Variants in FEZ1 observed in about 807,000 individuals in gnomAD.
The protein encoded by FEZ1 is fasciculation and elongation protein zeta 1.
FEZ1 carries 20 observed loss-of-function variants against 49.3 expected under a neutral mutation model. The observed-to-expected ratio is 0.41, with a 90% CI of 0.29 to 0.59. FEZ1 has a LOEUF of 0.59. Ranked by LOEUF, FEZ1 falls within the 20% of genes least tolerant of loss-of-function variation. The pLI, the probability that FEZ1 is intolerant of heterozygous loss-of-function variation, is 0.36. For missense variants in FEZ1, 413 were observed against 476.0 expected (o/e 0.87, Z 1.23); for synonymous variants, 170 against 180.9 (o/e 0.94, Z 0.48).
chr11:125,485,130 T>C (rs139511249), intron 2 of FEZ1, among the ~76,000 whole-genome samples: 3 of 152,338 alleles, frequency 2.0e-5, no homozygotes, highest in Admixed American at 2.0e-4. Flanking sequence ...ATCAGAGAAC[T>C]AAGATTAAAC....
chr11:125,477,855 G>GAAAAAAAAAAAAA (rs1277854420), intron 3 of FEZ1, among the ~76,000 whole-genome samples: 1 of 87,836 alleles, frequency 1.1e-5, no homozygotes, highest in African/African-American at 4.1e-5. Flanking sequence ...GGAGCTTTAT[G>GAAAAAAAAAAAAA]CAAAAAAAAA....
intron 3 of FEZ1, among the ~76,000 whole-genome samples, chr11:125,475,460 G>A (rs34912904): frequency 0.34 from 51,776 of 151,942 alleles, 9,106 homozygotes; most frequent in South Asian, 0.48. Flanking sequence ...GTGAGAATAT[G>A]GGACAATTAC....
At chr11:125,459,679 A>G (rs1209882681) in intron 5 of FEZ1, among the ~76,000 whole-genome samples, 4 of 152,218 alleles carry the variant, frequency 2.6e-5, no homozygotes, top group Admixed American at 6.5e-5. Flanking sequence ...ACAGGAAGGA[A>G]ATCTCATTTC....
At chr11:125,448,788 G>A (rs912802834) in intron 8 of FEZ1, among the ~76,000 whole-genome samples, 1 of 152,092 alleles carries the variant, frequency 6.6e-6, no homozygotes, top group Admixed American at 6.5e-5. Flanking sequence ...CTACCTGGGT[G>A]ACAGGTTTAG....
intron 3 of FEZ1, among the ~76,000 whole-genome samples, chr11:125,464,552 T>C: frequency 6.6e-6 from 1 of 152,170 alleles, no homozygotes; most frequent in Non-Finnish European, 1.5e-5. Context: ...GGGGCTTGTA[T>C]TCTGCCTTTT....
In FEZ1 at chr11:125,457,452, GTATATATACACATATATA is replaced by G. The variant is rs1565533533; in HGVS notation, c.668-1364_668-1347del. Among the ~76,000 whole-genome samples the G allele has an allele frequency of 2.2e-3, 104 of 47,472 alleles. 3 individuals are homozygous for G. Among genetic ancestry groups the G allele is most frequent in the East Asian group, 0.017 (34 of 1,998 alleles). The allele number at this position is 47,472 out of a possible 152,430, so 31.1% of individuals were successfully genotyped here. ...AAAATATATATATATATATATATAT[GTATATATACACATATATA>G]TGTATATATACACATATATGTGTAT... On this transcript the variant is annotated intron_variant, in intron 5 of 9. Transcript: ENST00000278919.
In FEZ1 at chr11:125,444,540, G is replaced by A. The variant is rs541053796; in HGVS notation, c.*1555C>T. ...GCGGAGTTTGCGGCGAGCTGAGATA[G>A]CGCCATTGTACTCCAGCCTGAGCAA... is the stretch of plus-strand genomic sequence containing the variant. On this transcript the variant is annotated 3_prime_UTR_variant, in exon 10 of 10. Coordinates refer to ENST00000278919, the MANE Select transcript of FEZ1 (RefSeq NM_005103.5). Among the ~76,000 whole-genome samples, 4 of 152,096 alleles carry A rather than the reference G, an allele frequency of 2.6e-5. No individual in the cohort carries two copies. Among genetic ancestry groups the A allele is most frequent in the Admixed American group, 2.6e-4 (4 of 15,276 alleles).
chr11:125,475,816 T>G (rs1957226370), intron 3 of FEZ1, among the ~76,000 whole-genome samples: 1 of 151,534 alleles, frequency 6.6e-6, no homozygotes, highest in African/African-American at 2.4e-5. Flanking sequence ...CTAAGAGAAA[T>G]GGAAGCATAT....
At chr11:125,488,859 T>G in intron 2 of FEZ1, 2 of 985,340 alleles carry the variant, frequency 2.0e-6, no homozygotes, top group Non-Finnish European at 2.4e-6. Flanking sequence ...TGACTACTAT[T>G]AAGACCCTAG....
chr11:125,475,313 T>C (rs541093647), intron 3 of FEZ1, among the ~76,000 whole-genome samples: 18 of 121,506 alleles, frequency 1.5e-4, no homozygotes, highest in African/African-American at 2.4e-4. Context: ...CACACACACA[T>C]TGTAAATAAT....
chr11:125,475,246 G>A (rs959412683), intron 3 of FEZ1, among the ~76,000 whole-genome samples: 3 of 146,254 alleles, frequency 2.1e-5, no homozygotes, highest in Non-Finnish European at 3.0e-5. Flanking sequence ...CTCCAGACTG[G>A]GCAACACAGC....
intron 4 of FEZ1, among the ~76,000 whole-genome samples, chr11:125,461,697 A>C (rs2135752015): frequency 6.6e-6 from 1 of 152,302 alleles, no homozygotes; most frequent in Non-Finnish European, 1.5e-5. Context: ...TCTTTAGATG[A>C]GTTTTGTCCC....
chr11:125,468,080 T>C (rs1404431752), intron 3 of FEZ1, among the ~76,000 whole-genome samples: 1 of 152,186 alleles, frequency 6.6e-6, no homozygotes, highest in African/African-American at 2.4e-5. Context: ...AATGTAAATG[T>C]ACATTTATTT....
At chr11:125,483,006 T>TAAAAAAAA (rs1957298030) in intron 2 of FEZ1, among the ~76,000 whole-genome samples, 1 of 57,298 alleles carries the variant, frequency 1.7e-5, no homozygotes, top group Non-Finnish European at 3.7e-5. Context: ...AAAAAAAAAC[T>TAAAAAAAA]AAAATATTAG....
rs150921722 is a variant in FEZ1 at position 125,485,803 on chromosome 11, C to T, written c.311+3664G>A. On this transcript the variant is annotated intron_variant, in intron 2 of 9. Transcript: ENST00000278919. ...GACAAAAAAAAAAAAAAAATTAGTCCGGCGTGGCAGCGTTTGCCTGTAATC... is the reference window on the plus strand; with the variant it reads ...GACAAAAAAAAAAAAAAAATTAGTCTGGCGTGGCAGCGTTTGCCTGTAATC... Among the ~76,000 whole-genome samples, 212 of 150,340 alleles carry T rather than the reference C, an allele frequency of 1.4e-3. 1 individual carries two copies. Among genetic ancestry groups the T allele is most frequent in the Admixed American group, 8.6e-3 (130 of 15,106 alleles).
At chr11:125,447,699 G>A (rs1262977584) in intron 9 of FEZ1, among the ~76,000 whole-genome samples, 2 of 152,044 alleles carry the variant, frequency 1.3e-5, no homozygotes, top group East Asian at 3.9e-4. Context: ...GCAGGCGCCT[G>A]TAATCCCAGC....
At chr11:125,493,365 AG>A (rs1957404443) in intron 1 of FEZ1, among the ~76,000 whole-genome samples, 1 of 23,024 alleles carries the variant, frequency 4.3e-5, no homozygotes, top group African/African-American at 1.6e-4. Flanking sequence ...AAGAGAGAAA[AG>A]AAAGAAAGAA....
rs1055218277 is a variant in FEZ1, at chr11:125,445,568, G to A, written c.*527C>T. ...CAGAGGGTCTCCTTCTGCCTATGCTGTATGCAGCCCCACTGTGTCCCATGA... is the reference window on the plus strand; with the variant it reads ...CAGAGGGTCTCCTTCTGCCTATGCTATATGCAGCCCCACTGTGTCCCATGA... On this transcript the variant is annotated 3_prime_UTR_variant, in exon 10 of 10. Transcript: ENST00000278919. This position sits in a 1 kb window ranked among gnomAD's most constrained non-coding sequence, Gnocchi z 4.4. 1.3e-5 allele frequency among the ~76,000 whole-genome samples: 2 copies of A among 152,176 alleles called. No individual in the cohort carries two copies. Among genetic ancestry groups the A allele is most frequent in the East Asian group, 1.9e-4 (1 of 5,182 alleles).
chr11:125,469,009 A>C (rs1193892224), intron 3 of FEZ1: 2 of 152,220 alleles, frequency 1.3e-5, no homozygotes, highest in African/African-American at 4.8e-5. Flanking sequence ...GTTCTCACCA[A>C]AAACAGAGAG....
Sources: allele counts gnomAD v4.1 joint callset (sites outside exome capture counted in the v4.1 genomes callset), GRCh38; gene constraint gnomAD v4.1.1; non-coding constraint Gnocchi (gnomAD v3.1); transcripts MANE v1.5; gene names NCBI Gene and HGNC (gene_info 2026-07-23, HGNC 2026-07-21).